The following TNS3 variants were observed in gnomAD, a reference collection of about 807,000 sequenced individuals.
TNS3 encodes the protein tensin 3, also known as tensin-3.
Under a neutral mutation model 140.9 loss-of-function variants are expected in TNS3, and 45 were observed. That is an observed-to-expected ratio of 0.32 (90% CI 0.25 to 0.41). The LOEUF (loss-of-function observed/expected upper bound fraction) is 0.41, where lower values mean the gene tolerates loss of function less well. TNS3 is among the 10% of genes least tolerant of loss of function. The pLI is 1.00. For missense variants in TNS3, 1,716 were observed against 1,906.7 expected (o/e 0.90, Z 1.86); for synonymous variants, 815 against 788.4 (o/e 1.03, Z -0.56).
chr7:47,309,870 G>A (rs1786984951), intron 20 of TNS3, among the ~76,000 whole-genome samples: 1 of 152,186 alleles, frequency 6.6e-6, no homozygotes, highest in African/African-American at 2.4e-5. Flanking sequence ...TTCCACTAAG[G>A]ACAATTATGA....
chr7:47,403,791 T>C (rs1375769914), intron 13 of TNS3, among the ~76,000 whole-genome samples: 1 of 152,194 alleles, frequency 6.6e-6, no homozygotes, highest in Non-Finnish European at 1.5e-5. Context: ...CCCTCCATAG[T>C]GTGCAATAAT....
intron 8 of TNS3, 119 bp from the exon 9 acceptor site, chr7:47,428,495 C>A: frequency 4.6e-6 from 3 of 653,790 alleles, no homozygotes; most frequent in Non-Finnish European, 4.6e-6. Flanking sequence ...GTGGTAAGGC[C>A]AGCATTACCC....
intron 3 of TNS3, among the ~76,000 whole-genome samples, chr7:47,506,369 C>G (rs949191068): frequency 2.6e-5 from 4 of 152,194 alleles, no homozygotes. Context: ...CAGGACATAG[C>G]CAGGCCTCCT....
intron 6 of TNS3, among the ~76,000 whole-genome samples, chr7:47,438,112 C>T (rs1180009504): frequency 1.3e-5 from 2 of 152,046 alleles, no homozygotes; most frequent in Non-Finnish European, 2.9e-5. Context: ...ACTAAACGTC[C>T]CTCTCACTTC....
chr7:47,311,493 T>A (rs1260045510), intron 20 of TNS3, among the ~76,000 whole-genome samples: 1 of 151,688 alleles, frequency 6.6e-6, no homozygotes, highest in African/African-American at 2.4e-5. Flanking sequence ...AAATGGAAAC[T>A]CTAGAACTCA....
chr7:47,296,798 G>A (rs959877608), intron 24 of TNS3, among the ~76,000 whole-genome samples: 32 of 152,124 alleles, frequency 2.1e-4, no homozygotes, highest in Admixed American at 1.7e-3. Flanking sequence ...GGGTAGAGCC[G>A]AAATGGAAGC....
chr7:47,322,644 T>A (rs138349785), intron 20 of TNS3, among the ~76,000 whole-genome samples: 29 of 151,884 alleles, frequency 1.9e-4, no homozygotes, highest in Non-Finnish European at 3.4e-4. Flanking sequence ...AAGAAAATGG[T>A]TTGTGAAAGC....
At chr7:47,554,432 A>C (rs995289497) in intron 1 of TNS3, among the ~76,000 whole-genome samples, 5 of 151,566 alleles carry the variant, frequency 3.3e-5, no homozygotes, top group African/African-American at 1.2e-4. Flanking sequence ...AAAAAAACAA[A>C]AAAAAAAACA....
At chr7:47,547,088 C>T (rs534162219) in intron 1 of TNS3, among the ~76,000 whole-genome samples, 1 of 152,090 alleles carries the variant, frequency 6.6e-6, no homozygotes, top group African/African-American at 2.4e-5. Flanking sequence ...TCATTCATTC[C>T]CGAGTTTATA....
chr7:47,489,330 A>G (rs1797727822), intron 3 of TNS3, among the ~76,000 whole-genome samples: 3 of 152,190 alleles, frequency 2.0e-5, no homozygotes, highest in Non-Finnish European at 4.4e-5. Flanking sequence ...TGAAAAAAGA[A>G]AGGCTCAAGC....
At chr7:47,522,139 A>G (rs752761447) in intron 2 of TNS3, among the ~76,000 whole-genome samples, 6 of 152,158 alleles carry the variant, frequency 3.9e-5, no homozygotes, top group Non-Finnish European at 7.4e-5. Context: ...CCGCCCCCCA[A>G]AAGTGGGGAC....
intron 2 of TNS3, among the ~76,000 whole-genome samples, chr7:47,517,339 A>T (rs188297369): frequency 2.0e-5 from 3 of 152,184 alleles, no homozygotes; most frequent in Non-Finnish European, 4.4e-5. Flanking sequence ...ACGCTTGACA[A>T]AAGAAACCTA....
chr7:47,325,155 C>G (rs1325690210), intron 20 of TNS3, among the ~76,000 whole-genome samples: 1 of 152,104 alleles, frequency 6.6e-6, no homozygotes. Context: ...CAGAAGCAAG[C>G]CTTATCTTTG....
At chr7:47,557,037 C>CTGTGCAGGG (rs1800213373) in intron 1 of TNS3, 1 of 456,758 alleles carries the variant, frequency 2.2e-6, no homozygotes, top group Non-Finnish European at 4.4e-6. Flanking sequence ...AGAACCTGAC[C>CTGTGCAGGG]TGTGCAGGGT....
At chr7:47,415,788 A>T (rs1222976457) in intron 10 of TNS3, among the ~76,000 whole-genome samples, 3 of 152,254 alleles carry the variant, frequency 2.0e-5, no homozygotes, top group African/African-American at 7.2e-5. Flanking sequence ...CCAAAGGCGA[A>T]GGCCATGTGG....
At chr7:47,302,041 G>C (rs1786431962) in intron 23 of TNS3, 145 bp downstream of exon 23, 2 of 645,326 alleles carry the variant, frequency 3.1e-6, no homozygotes, top group African/African-American at 1.8e-5. Context: ...AGGAGGCATG[G>C]AATAACGTGT....
In TNS3 at chr7:47,544,258, G is replaced by A. The variant is rs537607248; in HGVS notation, c.-264-15111C>T. 4.0e-5 allele frequency among the ~76,000 whole-genome samples: 6 copies of A among 149,886 alleles called. No homozygotes were observed. In the East Asian group the frequency reaches 1.2e-3, roughly 30 times the overall value. ...TCCTTCACCTATCCATGGGTCGGGG[G>A]TGGGGGTGCCCAGCCCAAAAGATAA... On this transcript the variant is annotated intron_variant, in intron 1 of 30. Coordinates refer to ENST00000311160, the MANE Select transcript of TNS3 (RefSeq NM_022748.12).
chr7:47,325,601 G>A, intron 20 of TNS3, among the ~76,000 whole-genome samples: 1 of 152,192 alleles, frequency 6.6e-6, no homozygotes, highest in East Asian at 1.9e-4. Context: ...GTGTGACGGG[G>A]ACCTTCTGGT....
In TNS3 at chr7:47,389,004, AAGAAG is replaced by A. The variant is rs1792257798; in HGVS notation, c.1024+7791_1024+7795del. ...CAGCAGAGGAAGAAGAAGAAGAAGG[AAGAAG>A]AAGAAGAAGAAGAAGAAGAAGAAGA... On this transcript the variant is annotated intron_variant, in intron 16 of 30. Coordinates refer to ENST00000311160, the MANE Select transcript of TNS3 (RefSeq NM_022748.12). Among the ~76,000 whole-genome samples the A allele has an allele frequency of 3.7e-3, 208 of 56,818 alleles. 59 individuals carry two copies. The Middle Eastern group carries it at 0.047, about 13-fold the overall frequency. The allele number at this position is 56,818 out of a possible 152,430, so 37.3% of individuals were successfully genotyped here. A position where few individuals can be genotyped will look rare whatever the true frequency, so the allele number is the denominator to read the frequency against.
Sources: gnomAD v4.1 joint callset for allele counts (sites outside exome capture counted in the v4.1 genomes callset) on GRCh38, gnomAD v4.1.1 for gene constraint, MANE v1.5 for transcripts, NCBI Gene and HGNC (gene_info 2026-07-23, HGNC 2026-07-21) for gene names.